TENM3: variants seen among roughly 807,000 people sequenced by gnomAD.
TENM3 encodes the protein teneurin-3.
A neutral mutation model predicts 255.1 loss-of-function variants in TENM3; 63 were observed. The observed-to-expected ratio is 0.25, with a 90% CI of 0.20 to 0.30. The LOEUF (loss-of-function observed/expected upper bound fraction) is 0.30, where lower values mean the gene tolerates loss of function less well. Ranked by LOEUF, TENM3 falls within the 10% of genes least tolerant of loss-of-function variation. TENM3 has a pLI of 1.00. For synonymous variants in TENM3, 1,306 were observed against 1,322.3 expected (o/e 0.99, Z 0.27); for missense variants, 2,929 against 3,461.1 (o/e 0.85, Z 3.86).
In TENM3 at chr4:182,641,033, A is replaced by G. The variant is rs114458700; in HGVS notation, c.988+12144A>G. On this transcript the variant is annotated intron_variant, in intron 5 of 27. Transcript: ENST00000511685. Reference sequence around the variant, plus strand: ...CCCTCTGCTTCTCACAGCCAGCTGAACTTGATAAGGCAGTCTCACAGCCAG... The same window carrying G: ...CCCTCTGCTTCTCACAGCCAGCTGAGCTTGATAAGGCAGTCTCACAGCCAG... Among the ~76,000 whole-genome samples the G allele has an allele frequency of 8.3e-3, 1,267 of 152,310 alleles. 16 individuals carry two copies. Among genetic ancestry groups the G allele is most frequent in the African/African-American group, 0.029 (1,199 of 41,578 alleles).
chr4:181,666,803 T>C, the TENM3 span, among the ~76,000 whole-genome samples: 1 of 152,162 alleles, frequency 6.6e-6, no homozygotes, highest in Non-Finnish European at 1.5e-5. Flanking sequence ...CCTTACTGTT[T>C]TGCAATACTC....
At chr4:181,641,179 G>A in the TENM3 span, among the ~76,000 whole-genome samples, 2 of 151,970 alleles carry the variant, frequency 1.3e-5, no homozygotes, top group Non-Finnish European at 2.9e-5. Context: ...CATGAAAAGA[G>A]TGTTACTTTT....
chr4:181,958,845 AAT>A, the TENM3 span, among the ~76,000 whole-genome samples: 1 of 152,204 alleles, frequency 6.6e-6, no homozygotes, highest in African/African-American at 2.4e-5. Flanking sequence ...GTGAAAAATC[AAT>A]ATTTATTAAA....
the TENM3 span, among the ~76,000 whole-genome samples, chr4:181,886,861 T>C: frequency 6.6e-6 from 1 of 152,318 alleles, no homozygotes; most frequent in East Asian, 1.9e-4. Flanking sequence ...CAGTGATATT[T>C]CTAAATTGGA....
chr4:182,353,888 C>A (rs1277054323), intron 3 of TENM3, among the ~76,000 whole-genome samples: 1 of 151,914 alleles, frequency 6.6e-6, no homozygotes, highest in Non-Finnish European at 1.5e-5. Context: ...TGGCTTGAAC[C>A]CAGGAGGTGG....
the TENM3 span, among the ~76,000 whole-genome samples, chr4:181,798,674 GT>G: frequency 6.6e-6 from 1 of 152,080 alleles, no homozygotes; most frequent in Non-Finnish European, 1.5e-5. Context: ...CCCAAGTAAT[GT>G]TTTTTTATTA....
the TENM3 span, among the ~76,000 whole-genome samples, chr4:181,862,724 T>A: frequency 6.6e-6 from 1 of 152,196 alleles, no homozygotes; most frequent in Non-Finnish European, 1.5e-5. Flanking sequence ...ATATATGACA[T>A]TGTATTATAT....
At chr4:182,524,840 CAAAA>C (rs11354238) in intron 3 of TENM3, among the ~76,000 whole-genome samples, 3 of 122,902 alleles carry the variant, frequency 2.4e-5, no homozygotes, top group East Asian at 2.4e-4. Flanking sequence ...TCTGTCTCTA[CAAAA>C]AAAAAAAAAA....
intron 3 of TENM3, among the ~76,000 whole-genome samples, chr4:182,537,124 T>C (rs1740409594): frequency 1.3e-5 from 2 of 152,208 alleles, no homozygotes; most frequent in Admixed American, 1.3e-4. Context: ...GCTCTGATAA[T>C]ATCTGCCATT....
At chr4:182,433,167 G>A (rs1489886172) in intron 3 of TENM3, among the ~76,000 whole-genome samples, 1 of 152,144 alleles carries the variant, frequency 6.6e-6, no homozygotes, top group Non-Finnish European at 1.5e-5. Context: ...CAGAGGGCCT[G>A]TGGATAGATT....
the TENM3 span, among the ~76,000 whole-genome samples, chr4:182,065,283 C>T: frequency 6.6e-6 from 1 of 152,146 alleles, no homozygotes; most frequent in African/African-American, 2.4e-5. Flanking sequence ...GATCTGCCCA[C>T]CTCGGCCACC....
At position 182,191,105 on chromosome 4, in the gene TENM3, A is replaced by G. The variant is rs960017915; in HGVS notation, c.-76+46351A>G. Among the ~76,000 whole-genome samples the G allele has an allele frequency of 7.2e-5, 11 of 152,220 alleles. No homozygotes were observed. The East Asian group carries it at 9.6e-4, about 13-fold the overall frequency. On this transcript the variant is annotated intron_variant, in intron 1 of 2. Transcript: ENST00000512480. Reference sequence around the variant, plus strand: ...TTGAAATTATTTTATAAAAATTTTCATTTTGTGATTAGAGTATTATTAAAC... The same window carrying G: ...TTGAAATTATTTTATAAAAATTTTCGTTTTGTGATTAGAGTATTATTAAAC...
chr4:181,762,962 TCTA>T, the TENM3 span, among the ~76,000 whole-genome samples: 4 of 152,270 alleles, frequency 2.6e-5, no homozygotes, highest in African/African-American at 9.6e-5. Context: ...CAATATATAT[TCTA>T]CTTTCAAGGG....
At chr4:181,588,019 GGAAGTGAGCCGC>G in the TENM3 span, among the ~76,000 whole-genome samples, 1 of 152,270 alleles carries the variant, frequency 6.6e-6, no homozygotes, top group East Asian at 1.9e-4. Context: ...ACTGCAGGGT[GGAAGTGAGCCGC>G]CATCTGCACC....
intron 3 of TENM3, among the ~76,000 whole-genome samples, chr4:182,433,405 C>G (rs973454863): frequency 6.6e-6 from 1 of 152,144 alleles, no homozygotes; most frequent in East Asian, 1.9e-4. Flanking sequence ...TGGCTGAAAA[C>G]CGAAGTCATG....
At chr4:181,808,398 A>G in the TENM3 span, among the ~76,000 whole-genome samples, 4 of 152,196 alleles carry the variant, frequency 2.6e-5, no homozygotes, top group African/African-American at 9.7e-5. Context: ...CAGATAGGTC[A>G]TTATATTACT....
the TENM3 span, among the ~76,000 whole-genome samples, chr4:181,602,150 T>C: frequency 0.015 from 2,217 of 152,294 alleles, 69 homozygotes; most frequent in African/African-American, 0.05. Context: ...AACTAAACAA[T>C]ATCTTTAAAA....
chr4:181,670,373 G>A, the TENM3 span, among the ~76,000 whole-genome samples: 1 of 152,128 alleles, frequency 6.6e-6, no homozygotes, highest in African/African-American at 2.4e-5. Context: ...ATGTCCCAAA[G>A]CACAAAGTGA....
At chr4:182,160,680 GA>G (rs894545900) in intron 1 of TENM3, among the ~76,000 whole-genome samples, 80 of 152,298 alleles carry the variant, frequency 5.3e-4, no homozygotes, top group African/African-American at 1.9e-3. Context: ...CAGAGGCTGG[GA>G]TGGGACATGG....
Sources: gnomAD v4.1 joint callset for allele counts (sites outside exome capture counted in the v4.1 genomes callset) on GRCh38, gnomAD v4.1.1 for gene constraint, MANE v1.5 for transcripts, NCBI Gene and HGNC (gene_info 2026-07-23, HGNC 2026-07-21) for gene names.